The following ANGPT4 variants were observed in gnomAD, a reference collection of about 807,000 sequenced individuals.
ANGPT4 encodes the protein angiopoietin 4.
In ANGPT4, 50 loss-of-function variants were observed where a neutral mutation model predicts 53.0. The ratio of observed to expected loss-of-function variants is 0.94; its 90% confidence interval spans 0.75 to 1.20. ANGPT4 has a LOEUF of 1.20. Among genes scored for constraint, ANGPT4 ranks in the 50% most tolerant of loss-of-function variants. The pLI, the probability that ANGPT4 is intolerant of heterozygous loss-of-function variation, is 0.00. For missense variants in ANGPT4, 648 were observed against 637.1 expected (o/e 1.02, Z -0.18); for synonymous variants, 251 against 259.7 (o/e 0.97, Z 0.32).
At chr20:877,116 G>A (rs1374553158) in intron 7 of ANGPT4, among the ~76,000 whole-genome samples, 3 of 152,182 alleles carry the variant, frequency 2.0e-5, no homozygotes, top group Non-Finnish European at 4.4e-5. Context: ...GGAAACAGTG[G>A]GGGCATATCA....
At chr20:913,739 C>T (rs534720156) in intron 1 of ANGPT4, among the ~76,000 whole-genome samples, 47 of 152,190 alleles carry the variant, frequency 3.1e-4, no homozygotes, top group Non-Finnish European at 7.3e-5. Context: ...GGAAAGATGA[C>T]GAGGCCTAAG....
Position 891,321 on chromosome 20 carries a change from C to A in ANGPT4, c.310-953G>T, listed in dbSNP as rs549638332. Among the ~76,000 whole-genome samples, 7 of 152,324 alleles carry A rather than the reference C, an allele frequency of 4.6e-5. No individual in the cohort carries two copies. The East Asian group carries it at 1.3e-3, about 29-fold the overall frequency. ...CCTCTATCTGCCAAATGGGGCTGGA[C>A]TGGCCAGTCTCCAAGGGTTCTCCCA... On this transcript the variant is annotated intron_variant, in intron 1 of 8. Coordinates refer to ENST00000381922, the MANE Select transcript of ANGPT4 (RefSeq NM_015985.4).
rs1981569675 is a variant in ANGPT4 at position 885,222 on chromosome 20, T to C, written c.691A>G (p.Ser231Gly). The C allele has an allele frequency of 1.3e-6, 2 of 1,590,602 alleles. No homozygotes were observed. The highest frequency in any genetic ancestry group is 1.7e-6 in the Non-Finnish European group (2 of 1,168,484). ...CGCTCGATGTTGGTGAGGGCGGCGC[T>C]CTGGCGGCTCAGCGTGTTCAGCAGC... ...AKLLNTLSRQ[S>G]AALTNIERGL... Residue 231 changes from serine (S) to glycine (G), a missense_variant, in exon 4 of 9, where the codon AGC becomes GGC. Physicochemically the swap from Ser to Gly is moderately conservative, Grantham distance 56. Transcript: ENST00000381922.
chr20:890,375 GA>G lies in ANGPT4; in HGVS notation c.310-8del. On this transcript the variant is annotated splice_polypyrimidine_tract_variant and splice_region_variant and intron_variant, in intron 1 of 8. Coordinates refer to ENST00000381922, the MANE Select transcript of ANGPT4 (RefSeq NM_015985.4). ...TCTTGATGGCCCTCTCTAGCTGTGG[GA>G]GACCATGGGCTGGGGTCACGGGGGA... 1 of 1,604,096 alleles carries G rather than the reference GA, an allele frequency of 6.2e-7. No homozygotes were observed. The highest frequency in any genetic ancestry group is 1.3e-5 in the African/African-American group (1 of 74,878).
At chr20:890,752 C>T (rs1981812646) in intron 1 of ANGPT4, among the ~76,000 whole-genome samples, 1 of 152,146 alleles carries the variant, frequency 6.6e-6, no homozygotes, top group African/African-American at 2.4e-5. Context: ...GGGCCTGCCA[C>T]CACACTCTCA....
intron 1 of ANGPT4, among the ~76,000 whole-genome samples, chr20:905,626 G>A (rs572876500): frequency 2.0e-4 from 31 of 152,326 alleles, no homozygotes; most frequent in South Asian, 2.1e-4. Flanking sequence ...GAGGCCCATG[G>A]CAAGGGAGGG....
chr20:874,315 ACAGTGGTC>A lies in ANGPT4; in HGVS notation c.1312_1319del (p.Asp438SerfsTer15). The A allele has an allele frequency of 1.2e-6, 2 of 1,614,196 alleles. No individual in the cohort carries two copies. The highest frequency in any genetic ancestry group is 1.7e-6 in the Non-Finnish European group (2 of 1,180,028). On this transcript the variant is annotated frameshift_variant, in exon 8 of 9. Coordinates refer to ENST00000381922, the MANE Select transcript of ANGPT4 (RefSeq NM_015985.4). LOFTEE classifies it low-confidence loss of function (END_TRUNC). ...ACATCACTTGGGCACACTTGCAGAG[ACAGTGGTC>A]GTTGTCTGAGTCAAGGGTGCTAAAG...
intron 7 of ANGPT4, among the ~76,000 whole-genome samples, chr20:877,832 A>T (rs1160622538): frequency 6.6e-6 from 1 of 152,188 alleles, no homozygotes; most frequent in Non-Finnish European, 1.5e-5. Flanking sequence ...AGGGCATAGG[A>T]CAGGCTGGGC....
chr20:888,647 C>A (rs754636411), intron 2 of ANGPT4, among the ~76,000 whole-genome samples: 4 of 152,196 alleles, frequency 2.6e-5, no homozygotes, highest in Admixed American at 6.5e-5. Flanking sequence ...ACTGCAATGG[C>A]AGCTCCATTC....
intron 1 of ANGPT4, among the ~76,000 whole-genome samples, chr20:903,012 T>C (rs2122849744): frequency 6.6e-6 from 1 of 152,268 alleles, no homozygotes; most frequent in East Asian, 1.9e-4. Context: ...GTCTACTGAT[T>C]TGGAAGGCTG....
rs1982701041 is a variant in ANGPT4, at chr20:911,573, C to G, written c.309+4333G>C. On this transcript the variant is annotated intron_variant, in intron 1 of 8. Transcript: ENST00000381922. This position sits in a 1 kb window ranked among gnomAD's most constrained non-coding sequence, Gnocchi z 4.9. ...GCCAACCAGGAGAGAGAATCAGAGA[C>G]AGAGACACCCACAGAGTTAGCAACA... Among the ~76,000 whole-genome samples the G allele has an allele frequency of 6.6e-6, 1 of 151,806 alleles. No individual in the cohort carries two copies. The highest frequency in any genetic ancestry group is 1.5e-5 in the Non-Finnish European group (1 of 68,032).
chr20:896,381 T>C (rs1453447513), intron 1 of ANGPT4, among the ~76,000 whole-genome samples: 6 of 152,150 alleles, frequency 3.9e-5, no homozygotes, highest in South Asian at 2.1e-4. Flanking sequence ...GCCAGTATGA[T>C]GGAGAAAGCC....
At chr20:906,102 G>C (rs1982469024) in intron 1 of ANGPT4, among the ~76,000 whole-genome samples, 1 of 152,246 alleles carries the variant, frequency 6.6e-6, no homozygotes. Flanking sequence ...CTCTCAACAA[G>C]TCAGGACTGG....
intron 3 of ANGPT4, among the ~76,000 whole-genome samples, chr20:885,564 G>C (rs1028117655): frequency 1.3e-5 from 2 of 152,226 alleles, no homozygotes; most frequent in African/African-American, 4.8e-5. Flanking sequence ...ACCAGCAACT[G>C]GGTAGCTATT....
intron 1 of ANGPT4, among the ~76,000 whole-genome samples, chr20:894,087 G>A (rs994935599): frequency 6.6e-6 from 1 of 152,066 alleles, no homozygotes; most frequent in Admixed American, 6.5e-5. Context: ...TGGCTCGAAT[G>A]CCTGGGTTTA....
At position 878,109 on chromosome 20, in the gene ANGPT4, G is replaced by A. The variant is rs375038498; in HGVS notation, c.1220+52C>T. On this transcript the variant is annotated intron_variant, in intron 7 of 8. Transcript: ENST00000381922. ...GACACTAGCCTGGGGACCCCAGCCCGCCCACTAGCTGAAGACCCCAGCCCC... is the reference window on the plus strand; with the variant it reads ...GACACTAGCCTGGGGACCCCAGCCCACCCACTAGCTGAAGACCCCAGCCCC... 8.1e-5 allele frequency: 125 copies of A among 1,540,440 alleles called. No homozygotes were observed. The East Asian group carries it at 1.2e-3, about 14-fold the overall frequency.
intron 1 of ANGPT4, among the ~76,000 whole-genome samples, chr20:910,068 T>C (rs1260679370): frequency 1.3e-5 from 2 of 152,198 alleles, no homozygotes; most frequent in Admixed American, 1.3e-4. Context: ...ACCATGGACA[T>C]GGCTTATTTA....
At position 872,795 on chromosome 20, in the gene ANGPT4, G is replaced by T. The variant is rs1387423160; in HGVS notation, c.*165C>A. 1.3e-6 allele frequency: 1 copy of T among 794,578 alleles called. No homozygotes were observed. Among genetic ancestry groups the T allele is most frequent in the East Asian group, 2.6e-5 (1 of 38,828 alleles). The allele number at this position is 794,578 out of a possible 1,614,324, so 49.2% of individuals were successfully genotyped here. On this transcript the variant is annotated 3_prime_UTR_variant, in exon 9 of 9. Transcript: ENST00000381922. ...CATGTCACAGACGGAGGGGAGTTGGGGGGCAGATGACCCTTCTGGACTTCT... is the reference window on the plus strand; with the variant it reads ...CATGTCACAGACGGAGGGGAGTTGGTGGGCAGATGACCCTTCTGGACTTCT...
chr20:904,729 C>T (rs189452687), intron 1 of ANGPT4, among the ~76,000 whole-genome samples: 170 of 152,284 alleles, frequency 1.1e-3, no homozygotes, highest in African/African-American at 3.5e-3. Flanking sequence ...CAGGCTCAAG[C>T]GATCTTCCCA....
Sources: allele counts gnomAD v4.1 joint callset (sites outside exome capture counted in the v4.1 genomes callset), GRCh38; gene constraint gnomAD v4.1.1; non-coding constraint Gnocchi (gnomAD v3.1); transcripts MANE v1.5; gene names NCBI Gene and HGNC (gene_info 2026-07-23, HGNC 2026-07-21).